NFX1: variants seen among roughly 807,000 people sequenced by gnomAD.
NFX1 encodes the protein transcriptional repressor NF-X1.
A neutral mutation model predicts 137.2 loss-of-function variants in NFX1; 69 were observed. That is an observed-to-expected ratio of 0.50 (90% CI 0.41 to 0.61). NFX1 has a LOEUF of 0.61. Ranked by LOEUF, NFX1 falls within the 20% of genes least tolerant of loss-of-function variation. NFX1 has a pLI of 0.00. For missense variants in NFX1, 1,167 were observed against 1,391.0 expected, an observed-to-expected ratio of 0.84 and a Z score of 2.56; for synonymous variants, 495 against 474.1, an observed-to-expected ratio of 1.04 and a Z score of -0.57.
At chr9:33,341,577 G>A (rs1049232991) in intron 12 of NFX1, among the ~76,000 whole-genome samples, 6 of 152,146 alleles carry the variant, frequency 3.9e-5, no homozygotes, top group Admixed American at 1.3e-4. Flanking sequence ...AGTGAAGAGT[G>A]ATGAATTGTG....
chr9:33,319,168 T>C, intron 9 of NFX1, 41 bp downstream of exon 9: 1 of 1,565,662 alleles, frequency 6.4e-7, no homozygotes, highest in Non-Finnish European at 8.8e-7. Context: ...AATATTATTG[T>C]AAATGGTTGG....
At chr9:33,321,740 A>G (rs751147346) in intron 9 of NFX1, among the ~76,000 whole-genome samples, 11 of 152,122 alleles carry the variant, frequency 7.2e-5, no homozygotes, top group African/African-American at 1.2e-4. Context: ...TTACCTGGGT[A>G]TGGCGGCACG....
chr9:33,351,337 G>C (rs1216616166), intron 15 of NFX1, among the ~76,000 whole-genome samples: 1 of 151,952 alleles, frequency 6.6e-6, no homozygotes, highest in Non-Finnish European at 1.5e-5. Flanking sequence ...GCATGCACCT[G>C]CAATCCCAGC....
intron 2 of NFX1, among the ~76,000 whole-genome samples, chr9:33,299,109 A>G (rs1043888212): frequency 1.3e-5 from 2 of 152,242 alleles, no homozygotes; most frequent in East Asian, 1.9e-4. Context: ...GAATTCCCAT[A>G]TATCTTTCAC....
At chr9:33,353,154 T>C (rs1373762283) in intron 17 of NFX1, among the ~76,000 whole-genome samples, 1 of 152,250 alleles carries the variant, frequency 6.6e-6, no homozygotes, top group Non-Finnish European at 1.5e-5. Context: ...AACTTTGAAA[T>C]TTCTCCGCTT....
intron 2 of NFX1, among the ~76,000 whole-genome samples, chr9:33,298,328 G>C (rs1415851206): frequency 6.6e-6 from 1 of 152,208 alleles, no homozygotes; most frequent in Non-Finnish European, 1.5e-5. Context: ...TAGATGTGGG[G>C]AGGGGTATTA....
At chr9:33,309,281 C>T (rs924718253) in intron 5 of NFX1, among the ~76,000 whole-genome samples, 4 of 151,808 alleles carry the variant, frequency 2.6e-5, no homozygotes, top group African/African-American at 4.8e-5. Context: ...GGCGTGAACC[C>T]GGGAGGCGGA....
chr9:33,339,140 A>G (rs1007086790), intron 12 of NFX1, among the ~76,000 whole-genome samples: 7 of 152,166 alleles, frequency 4.6e-5, no homozygotes, highest in African/African-American at 1.7e-4. Context: ...CGTATGCTAT[A>G]TATGACATAA....
At position 33,294,867 on chromosome 9, in the gene NFX1, T is replaced by C. The variant is rs749050514; in HGVS notation, c.473T>C (p.Val158Ala). Reference protein sequence around the residue: ...EHSPSESEKEVVGADPRGAKP... With the variant: ...EHSPSESEKEAVGADPRGAKP... ...AGTCCTTCTGAGAGTGAGAAGGAAG[T>C]TGTGGGTGCAGATCCCAGGGGAGCA... is the stretch of plus-strand genomic sequence containing the variant. Residue 158 changes from valine (V) to alanine (A), a missense_variant, in exon 2 of 24, where the codon GTT becomes GCT. Val to Ala is a moderately conservative substitution (Grantham distance 64). Around this residue, in one of 3 missense-constraint regions of NFX1, gnomAD observed 367 missense variants for 386.7 expected, o/e 0.95. Transcript: ENST00000379540. 16 of 1,613,860 alleles carry C rather than the reference T, an allele frequency of 9.9e-6. No individual in the cohort carries two copies. The South Asian group carries it at 1.8e-4, about 18-fold the overall frequency.
Position 33,294,781 on chromosome 9 carries a change from A to G in NFX1, c.387A>G (p.Ser129=), listed in dbSNP as rs1821289636. 6.2e-7 allele frequency: 1 copy of G among 1,614,006 alleles called. No homozygotes were observed. The highest frequency in any genetic ancestry group is 1.1e-5 in the South Asian group (1 of 91,092). The change falls in exon 2 of 24, where the codon TCA becomes TCG. Residue 129 remains serine, a synonymous_variant. Transcript: ENST00000379540. ...KKAQSLAEQT[S]DTAGLESSTR... is the part of the protein sequence containing the mutation. Reference sequence around the variant, plus strand: ...CACAGAGTCTTGCTGAGCAGACCTCAGATACAGCTGGATTAGAGAGCTCGA... The same window carrying G: ...CACAGAGTCTTGCTGAGCAGACCTCGGATACAGCTGGATTAGAGAGCTCGA...
rs1246995981 is a variant in NFX1 at position 33,294,910 on chromosome 9, A to C, written c.516A>C (p.Thr172=). The part of the protein sequence containing the change: ...DPRGAKPKKA[T]QFVYSYGRGP... ...GGGGAGCAAAACCCAAAAAAGCAAC[A>C]CAGTTTGTATACAGCTATGGTAGAG... The change falls in exon 2 of 24, where the codon ACA becomes ACC. Residue 172 remains threonine (T), a synonymous_variant. Coordinates refer to ENST00000379540, the MANE Select transcript of NFX1 (RefSeq NM_002504.6). The C allele has an allele frequency of 1.2e-6, 2 of 1,614,180 alleles. No individual in the cohort carries two copies. The highest frequency in any genetic ancestry group is 8.5e-7 in the Non-Finnish European group (1 of 1,180,034).
At chr9:33,350,029 C>T (rs1015056187) in intron 15 of NFX1, among the ~76,000 whole-genome samples, 4 of 151,964 alleles carry the variant, frequency 2.6e-5, no homozygotes, top group Non-Finnish European at 5.9e-5. Flanking sequence ...ACAGGCCAGG[C>T]GTGGTTTCTC....
chr9:33,324,292 T>C (rs978737649), intron 9 of NFX1, among the ~76,000 whole-genome samples: 6 of 152,244 alleles, frequency 3.9e-5, no homozygotes, highest in Non-Finnish European at 8.8e-5. Context: ...GGCAGGAGAA[T>C]CGCTTGAACC....
Position 33,351,686 on chromosome 9 carries a change from C to A in NFX1, c.2551C>A (p.Pro851Thr). 6.2e-7 allele frequency: 1 copy of A among 1,614,028 alleles called. No individual in the cohort carries two copies. Among genetic ancestry groups the A allele is most frequent in the Non-Finnish European group, 8.5e-7 (1 of 1,179,982 alleles). Residue 851 changes from proline (P) to threonine (T), a missense_variant, in exon 16 of 24, where the codon CCC (proline) becomes ACC (threonine). By Grantham distance (38) the Pro-to-Thr change is conservative. Coordinates refer to ENST00000379540, the MANE Select transcript of NFX1 (RefSeq NM_002504.6). Reference protein sequence around the residue: ...CHKGECLVDEPCKQPCTTPRA... With the variant: ...CHKGECLVDETCKQPCTTPRA... ...CAAAGGGGAGTGTCTTGTGGATGAG[C>A]CCTGCAAGCAGCCCTGCACCACCCC...
chr9:33,326,200 G>A (rs142676453), intron 9 of NFX1, among the ~76,000 whole-genome samples: 8 of 152,236 alleles, frequency 5.3e-5, no homozygotes, highest in Non-Finnish European at 1.2e-4. Context: ...ATCACTTGAT[G>A]TCAGGAGTTT....
chr9:33,313,024 T>C (rs1007824244), intron 6 of NFX1, among the ~76,000 whole-genome samples: 3 of 152,194 alleles, frequency 2.0e-5, no homozygotes, highest in African/African-American at 4.8e-5. Context: ...ATAATGCCAT[T>C]GTGCTGTTAG....
chr9:33,295,315 C>G lies in NFX1; in HGVS notation c.921C>G (p.Ser307=). ...SENLAVINKS[S]RRVDQEKCTV... Reference sequence around the variant, plus strand: ...ACTTGGCAGTCATCAACAAGTCTTCCAGGAGGGTTGACCAAGAGAAATGCA... The same window carrying G: ...ACTTGGCAGTCATCAACAAGTCTTCGAGGAGGGTTGACCAAGAGAAATGCA... Residue 307 remains serine (S), a synonymous_variant, in exon 2 of 24, where the codon TCC becomes TCG. Transcript: ENST00000379540. 6.2e-7 allele frequency: 1 copy of G among 1,614,092 alleles called. No homozygotes were observed. Among genetic ancestry groups the G allele is most frequent in the Non-Finnish European group, 8.5e-7 (1 of 1,180,026 alleles).
chr9:33,366,289 G>A (rs1824167145), intron 21 of NFX1, among the ~76,000 whole-genome samples: 1 of 152,118 alleles, frequency 6.6e-6, no homozygotes, highest in Non-Finnish European at 1.5e-5. Flanking sequence ...TGTTTTGTAA[G>A]TCTTTAGTCA....
chr9:33,351,875 G>A (rs1823651067), intron 16 of NFX1, 85 bp downstream of exon 16: 2 of 1,158,972 alleles, frequency 1.7e-6, no homozygotes, highest in East Asian at 5.2e-5. Context: ...TGGCCCCTGG[G>A]CATGCATCTT....
Sources: allele counts gnomAD v4.1 joint callset (sites outside exome capture counted in the v4.1 genomes callset), GRCh38; gene constraint gnomAD v4.1.1; regional missense constraint gnomAD v4.1.1; transcripts MANE v1.5; gene names NCBI Gene and HGNC (gene_info 2026-07-23, HGNC 2026-07-21).